Variants in STK3 observed in about 807,000 individuals in gnomAD.
STK3 encodes serine/threonine kinase 3, also known as serine/threonine-protein kinase 3.
STK3 carries 41 observed loss-of-function variants against 58.0 expected under a neutral mutation model. That is an observed-to-expected ratio of 0.71 (90% CI 0.55 to 0.92). The LOEUF is 0.92. STK3 is among the 40% of genes least tolerant of loss of function. The pLI, the probability that STK3 is intolerant of heterozygous loss-of-function variation, is 0.00. For synonymous variants in STK3, 170 were observed against 191.0 expected (o/e 0.89, Z 0.91); for missense variants, 479 against 602.7 (o/e 0.79, Z 2.15).
chr8:98,692,550 G>C (rs913055286), intron 6 of STK3, among the ~76,000 whole-genome samples: 1 of 152,188 alleles, frequency 6.6e-6, no homozygotes, highest in African/African-American at 2.4e-5. Flanking sequence ...AATACTGGTT[G>C]CGAGGGGTTG....
chr8:98,393,721 C>G (rs1352238427), intron 3 of STK3: 1 of 151,916 alleles, frequency 6.6e-6, no homozygotes, highest in African/African-American at 2.4e-5. Context: ...CTCCAGTAGG[C>G]TGGGGAACCA....
intron 1 of STK3, among the ~76,000 whole-genome samples, chr8:98,380,148 G>C (rs573546442): frequency 2.0e-5 from 3 of 152,078 alleles, no homozygotes; most frequent in Non-Finnish European, 2.9e-5. Flanking sequence ...GTAGGGTTAG[G>C]GGGTGGTGCA....
At chr8:98,840,778 CA>C (rs1835951931) in intron 3 of STK3, among the ~76,000 whole-genome samples, 2 of 151,792 alleles carry the variant, frequency 1.3e-5, no homozygotes, top group African/African-American at 4.8e-5. Context: ...GTCAGAAATC[CA>C]GGTGCAACTT....
intron 6 of STK3, among the ~76,000 whole-genome samples, chr8:98,681,194 T>C (rs1404766001): frequency 6.6e-6 from 1 of 152,094 alleles, no homozygotes; most frequent in Non-Finnish European, 1.5e-5. Flanking sequence ...AGACAGGGTT[T>C]CACCATGTTG....
At chr8:98,660,471 C>G (rs184633074) in intron 6 of STK3, among the ~76,000 whole-genome samples, 1 of 152,104 alleles carries the variant, frequency 6.6e-6, no homozygotes, top group East Asian at 1.9e-4. Context: ...AATGGAAGAT[C>G]TGTGCACAAT....
At chr8:98,591,112 ACC>A (rs1447204077) in intron 7 of STK3, among the ~76,000 whole-genome samples, 2 of 152,164 alleles carry the variant, frequency 1.3e-5, no homozygotes, top group East Asian at 3.8e-4. Flanking sequence ...TTCAGTAGGA[ACC>A]ATACTTGGAA....
intron 4 of STK3, among the ~76,000 whole-genome samples, chr8:98,721,696 G>A (rs1827439124): frequency 1.3e-5 from 2 of 151,762 alleles, no homozygotes; most frequent in Admixed American, 6.6e-5. Flanking sequence ...AACATACATG[G>A]AAACTACTAA....
intron 3 of STK3, among the ~76,000 whole-genome samples, chr8:98,424,643 T>C (rs1818208213): frequency 6.6e-6 from 1 of 151,840 alleles, no homozygotes. Context: ...CCACAGAGGA[T>C]GAAGGAGAAA....
At chr8:98,729,264 C>G (rs1828006010) in intron 4 of STK3, among the ~76,000 whole-genome samples, 1 of 152,094 alleles carries the variant, frequency 6.6e-6, no homozygotes. Flanking sequence ...CGCATGCCAA[C>G]ACACCAGGCC....
At chr8:98,614,039 T>C (rs889739039) in intron 6 of STK3, among the ~76,000 whole-genome samples, 8 of 151,876 alleles carry the variant, frequency 5.3e-5, no homozygotes, top group Admixed American at 5.2e-4. Flanking sequence ...CTATAAAATA[T>C]ATGAAGCAAA....
chr8:98,756,281 C>T (rs1830283823), intron 3 of STK3, among the ~76,000 whole-genome samples: 1 of 152,174 alleles, frequency 6.6e-6, no homozygotes, highest in East Asian at 1.9e-4. Flanking sequence ...AGATGCAAAA[C>T]TTAACGAGAA....
At chr8:98,409,018 T>C (rs924047722) in intron 3 of STK3, among the ~76,000 whole-genome samples, 2 of 152,186 alleles carry the variant, frequency 1.3e-5, no homozygotes. Flanking sequence ...TGAAACCCCA[T>C]GAACACCCTG....
intron 2 of STK3, among the ~76,000 whole-genome samples, chr8:98,376,666 A>G (rs1465382014): frequency 1.3e-5 from 2 of 152,204 alleles, no homozygotes; most frequent in African/African-American, 2.4e-5. Flanking sequence ...AAGGGAAGAG[A>G]ATGTACGTTA....
intron 7 of STK3, 82 bp from the exon 8 acceptor site, chr8:98,579,871 G>GTTGT: frequency 2.4e-6 from 3 of 1,257,308 alleles, no homozygotes; most frequent in Non-Finnish European, 3.2e-6. Context: ...ACATGTAAAT[G>GTTGT]TTAACCAGGA....
intron 10 of STK3, among the ~76,000 whole-genome samples, chr8:98,479,156 GGTGT>G (rs1821619190): frequency 6.6e-6 from 1 of 152,102 alleles, no homozygotes; most frequent in Non-Finnish European, 1.5e-5. Flanking sequence ...TGATAGTGCA[GGTGT>G]GTAGTTTAGC....
intron 2 of STK3, among the ~76,000 whole-genome samples, chr8:98,769,271 T>C (rs748228935): frequency 1.3e-5 from 2 of 152,234 alleles, no homozygotes; most frequent in Non-Finnish European, 2.9e-5. Flanking sequence ...GAATCTCATC[T>C]TGTAGCTCCC....
At chr8:98,391,418 G>A (rs1470513374), upstream of STK3, 1 of 152,222 alleles carries the variant, frequency 6.6e-6, no homozygotes, top group Non-Finnish European at 1.5e-5. Context: ...TCAGGGATGA[G>A]ACATGCAGCT....
intron 6 of STK3, among the ~76,000 whole-genome samples, chr8:98,642,209 C>T (rs2130617335): frequency 6.6e-6 from 1 of 152,106 alleles, no homozygotes; most frequent in Middle Eastern, 3.4e-3. Context: ...TTGCCATCAC[C>T]AGAGGCCAGG....
At chr8:98,713,635 A>G (rs1278928876) in intron 4 of STK3, among the ~76,000 whole-genome samples, 1 of 152,234 alleles carries the variant, frequency 6.6e-6, no homozygotes, top group Non-Finnish European at 1.5e-5. Flanking sequence ...GCAATAATTA[A>G]TAGCTTACCA....
Sources: gnomAD v4.1 joint callset for allele counts (sites outside exome capture counted in the v4.1 genomes callset) on GRCh38, gnomAD v4.1.1 for gene constraint, MANE v1.5 for transcripts, NCBI Gene and HGNC (gene_info 2026-07-23, HGNC 2026-07-21) for gene names.